The following ADCY2 variants were observed in gnomAD, a reference collection of about 807,000 sequenced individuals.
ADCY2 encodes the protein adenylate cyclase type 2.
In ADCY2, 31 loss-of-function variants were observed where a neutral mutation model predicts 125.2. The observed-to-expected ratio is 0.25, with a 90% CI of 0.19 to 0.33. The LOEUF is 0.33. Among genes scored for constraint, ADCY2 ranks in the 10% least tolerant of loss-of-function variants. The probability of loss-of-function intolerance (pLI) is 1.00; values close to 1 mark genes in which losing one functional copy is unlikely to be tolerated. For synonymous variants in ADCY2, 512 were observed against 548.4 expected, an observed-to-expected ratio of 0.93 and a Z score of 0.93; for missense variants, 904 against 1,418.2, an observed-to-expected ratio of 0.64 and a Z score of 5.82.
At chr5:7,726,462 T>C (rs1741936159) in intron 13 of ADCY2, among the ~76,000 whole-genome samples, 1 of 152,150 alleles carries the variant, frequency 6.6e-6, no homozygotes, top group Non-Finnish European at 1.5e-5. Flanking sequence ...GCATCATAAG[T>C]ATAGCCCTAT....
At chr5:7,419,034 C>T (rs1181338444) in intron 2 of ADCY2, among the ~76,000 whole-genome samples, 2 of 152,148 alleles carry the variant, frequency 1.3e-5, no homozygotes, top group African/African-American at 4.8e-5. Flanking sequence ...TCACTTTGCT[C>T]AAGAAAGCAC....
chr5:7,491,749 T>A (rs1743172566), intron 2 of ADCY2, among the ~76,000 whole-genome samples: 1 of 152,164 alleles, frequency 6.6e-6, no homozygotes, highest in Non-Finnish European at 1.5e-5. Flanking sequence ...AATATGAAAC[T>A]AATTTTTTAT....
intron 20 of ADCY2, among the ~76,000 whole-genome samples, chr5:7,790,255 G>A (rs917983032): frequency 2.0e-5 from 3 of 152,158 alleles, no homozygotes; most frequent in African/African-American, 7.2e-5. Context: ...TTCCCTGACA[G>A]CCTTCCAAGG....
At position 7,666,059 on chromosome 5, in the gene ADCY2, C is replaced by T. The variant is rs543061714; in HGVS notation, c.721-24632C>T. On this transcript the variant is annotated intron_variant, in intron 4 of 24. Transcript: ENST00000338316. ...TTCACCATGTTAGCCAGGATGGTCT[C>T]GATCTCCTGACCTCGTGATCCGCCC... Among the ~76,000 whole-genome samples the T allele has an allele frequency of 7.3e-5, 11 of 151,120 alleles. No individual in the cohort carries two copies. The South Asian group carries it at 8.4e-4, about 12-fold the overall frequency.
chr5:7,707,015 G>T, intron 8 of ADCY2, 113 bp downstream of exon 8: 1 of 1,384,830 alleles, frequency 7.2e-7, no homozygotes, highest in Non-Finnish European at 9.8e-7. Flanking sequence ...TGCCTCTGTT[G>T]GTATCATGTT....
At chr5:7,771,204 C>T (rs1339953509) in intron 17 of ADCY2, among the ~76,000 whole-genome samples, 1 of 152,186 alleles carries the variant, frequency 6.6e-6, no homozygotes, top group South Asian at 2.1e-4. Flanking sequence ...CTAGACCCCT[C>T]CTCCCTCTGA....
intron 14 of ADCY2, among the ~76,000 whole-genome samples, chr5:7,741,787 C>CA: frequency 9.1e-5 from 1 of 10,972 alleles, no homozygotes; most frequent in African/African-American, 3.3e-4. Flanking sequence ...ATCATCATCC[C>CA]TATCACCATC....
chr5:7,423,719 G>C (rs1008635926), intron 2 of ADCY2, among the ~76,000 whole-genome samples: 1 of 152,212 alleles, frequency 6.6e-6, no homozygotes, highest in African/African-American at 2.4e-5. Context: ...GCTGTCCCTC[G>C]AGCTGAGGAT....
intron 24 of ADCY2, among the ~76,000 whole-genome samples, chr5:7,824,313 GCAT>G (rs1745397905): frequency 1.3e-5 from 2 of 152,160 alleles, no homozygotes; most frequent in Non-Finnish European, 1.5e-5. Flanking sequence ...TAACCGGTGT[GCAT>G]CGAGATGGAC....
chr5:7,642,203 T>G (rs376935951), intron 4 of ADCY2, among the ~76,000 whole-genome samples: 3 of 152,198 alleles, frequency 2.0e-5, no homozygotes, highest in East Asian at 3.8e-4. Context: ...TTGACTGTTT[T>G]AATACTAGTT....
intron 4 of ADCY2, among the ~76,000 whole-genome samples, chr5:7,646,001 C>G (rs1192419431): frequency 6.6e-6 from 1 of 152,158 alleles, no homozygotes. Context: ...AAAACAAAGA[C>G]TTTCAGGCAA....
chr5:7,590,149 T>G (rs1736806052), intron 3 of ADCY2, among the ~76,000 whole-genome samples: 1 of 152,124 alleles, frequency 6.6e-6, no homozygotes, highest in African/African-American at 2.4e-5. Flanking sequence ...ATGAGTCACT[T>G]GGGGAGTCAC....
At chr5:7,590,966 C>G (rs1736834039) in intron 3 of ADCY2, among the ~76,000 whole-genome samples, 1 of 151,950 alleles carries the variant, frequency 6.6e-6, no homozygotes, top group Non-Finnish European at 1.5e-5. Context: ...CTTTTCAAAT[C>G]CATGGATTCT....
intron 3 of ADCY2, among the ~76,000 whole-genome samples, chr5:7,623,375 T>C (rs1342655024): frequency 6.6e-6 from 1 of 152,192 alleles, no homozygotes; most frequent in Non-Finnish European, 1.5e-5. Flanking sequence ...TCTCATTTCC[T>C]GCATTCTTTG....
At chr5:7,824,326 C>T (rs1745398338) in intron 24 of ADCY2, among the ~76,000 whole-genome samples, 1 of 152,174 alleles carries the variant, frequency 6.6e-6, no homozygotes, top group East Asian at 1.9e-4. Context: ...TCGAGATGGA[C>T]AGCTTCTTCC....
Position 7,554,405 on chromosome 5 carries a change from T to C in ADCY2, c.570+33506T>C, listed in dbSNP as rs144167350. 5.9e-3 allele frequency among the ~76,000 whole-genome samples: 895 copies of C among 152,304 alleles called. 9 individuals carry two copies. Among genetic ancestry groups the C allele is most frequent in the African/African-American group, 0.021 (854 of 41,560 alleles). ...CATAATGGGGACAATATGCTATTCT[T>C]AATAAAGAAGTGGTTATTTGGGAGC... On this transcript the variant is annotated intron_variant, in intron 3 of 24. Transcript: ENST00000338316.
intron 14 of ADCY2, among the ~76,000 whole-genome samples, chr5:7,733,578 C>T (rs985316681): frequency 6.6e-6 from 1 of 152,092 alleles, no homozygotes; most frequent in African/African-American, 2.4e-5. Flanking sequence ...GAGTTTCACA[C>T]AAAAGGGAGT....
chr5:7,554,560 T>C (rs188310522), intron 3 of ADCY2, among the ~76,000 whole-genome samples: 37 of 152,310 alleles, frequency 2.4e-4, no homozygotes, highest in African/African-American at 8.9e-4. Context: ...CTAAGCTCTT[T>C]GTAAGCTCAT....
intron 3 of ADCY2, among the ~76,000 whole-genome samples, chr5:7,619,360 T>C (rs1737877148): frequency 6.6e-6 from 1 of 152,156 alleles, no homozygotes; most frequent in South Asian, 2.1e-4. Flanking sequence ...TAGTGTTGCT[T>C]TGCAGAAATG....
Sources: gnomAD v4.1 joint callset for allele counts (sites outside exome capture counted in the v4.1 genomes callset) on GRCh38, gnomAD v4.1.1 for gene constraint, MANE v1.5 for transcripts, NCBI Gene and HGNC (gene_info 2026-07-23, HGNC 2026-07-21) for gene names.